The following TMEM17 variants were observed in gnomAD, a reference collection of about 807,000 sequenced individuals.
The protein encoded by TMEM17 is transmembrane protein 17.
Under a neutral mutation model 19.1 loss-of-function variants are expected in TMEM17, and 15 were observed. The observed-to-expected ratio is 0.78, with a 90% confidence interval of 0.52 to 1.21. TMEM17 has a LOEUF of 1.21. TMEM17 is among the 50% of genes most tolerant of loss of function. TMEM17 has a pLI of 0.00. For missense variants in TMEM17, 245 were observed against 242.3 expected, an observed-to-expected ratio of 1.01 and a Z score of -0.07; for synonymous variants, 103 against 86.9, an observed-to-expected ratio of 1.19 and a Z score of -1.03.
intron 1 of TMEM17, 139 bp downstream of exon 1, chr2:62,505,891 C>A: frequency 1.1e-6 from 1 of 875,988 alleles, no homozygotes; most frequent in Admixed American, 2.9e-5. Context: ...GGCCCCTCCT[C>A]CAAGGCGCTC....
At chr2:62,495,727 T>C (rs1679761311), downstream of TMEM17, among the ~76,000 whole-genome samples, 1 of 152,260 alleles carries the variant, frequency 6.6e-6, no homozygotes, top group Non-Finnish European at 1.5e-5. Flanking sequence ...AATTTACTTT[T>C]TGAGCCGTTT....
At position 62,501,284 on chromosome 2, in the gene TMEM17, G is replaced by A. The variant is rs1207267812; in HGVS notation, c.522C>T (p.His174=). 3 of 1,614,212 alleles carry A rather than the reference G, an allele frequency of 1.9e-6. No homozygotes were observed. Among genetic ancestry groups the A allele is most frequent in the Non-Finnish European group, 2.5e-6 (3 of 1,180,032 alleles). The part of the protein sequence containing the change: ...KMVNQLAVRF[H]LQDFDRLSAN... ...CAGAGAGCCGGTCAAAGTCTTGGAG[G>A]TGGAAACGAACTGCCAACTGATTAA... The change falls in exon 4 of 4, where the codon CAC becomes CAT. Residue 174 remains histidine, a synonymous_variant. Coordinates refer to ENST00000335390, the MANE Select transcript of TMEM17 (RefSeq NM_198276.3).
intron 1 of TMEM17, among the ~76,000 whole-genome samples, chr2:62,505,627 G>T (rs1286983679): frequency 3.9e-5 from 6 of 152,382 alleles, no homozygotes; most frequent in African/African-American, 1.4e-4. Flanking sequence ...GAAAAGCCGG[G>T]GCGGGCGCCG....
At chr2:62,496,945 C>T (rs1318545903), downstream of TMEM17, among the ~76,000 whole-genome samples, 1 of 152,096 alleles carries the variant, frequency 6.6e-6, no homozygotes, top group African/African-American at 2.4e-5. Context: ...CAGAGCAAGA[C>T]CCAGTCTCTA....
At chr2:62,460,234 C>T in the TMEM17 span, among the ~76,000 whole-genome samples, 6 of 152,328 alleles carry the variant, frequency 3.9e-5, no homozygotes, top group South Asian at 1.2e-3. Context: ...GTAGGAATGA[C>T]TGCTGCACAC....
the TMEM17 span, among the ~76,000 whole-genome samples, chr2:62,484,971 C>G: frequency 2.0e-5 from 3 of 152,184 alleles, no homozygotes; most frequent in Non-Finnish European, 4.4e-5. Flanking sequence ...CAGGGTTTCA[C>G]CTGTCACCCA....
At chr2:62,465,451 A>G in the TMEM17 span, among the ~76,000 whole-genome samples, 1 of 152,218 alleles carries the variant, frequency 6.6e-6, no homozygotes, top group Non-Finnish European at 1.5e-5. Context: ...CTGTAAGTCT[A>G]AAACTTCAAA....
At chr2:62,472,996 G>T in the TMEM17 span, among the ~76,000 whole-genome samples, 2 of 152,178 alleles carry the variant, frequency 1.3e-5, no homozygotes, top group Non-Finnish European at 1.5e-5. Flanking sequence ...GATTCTTCAG[G>T]AGGCCAGAAC....
the TMEM17 span, among the ~76,000 whole-genome samples, chr2:62,490,295 G>C: frequency 6.6e-6 from 1 of 151,990 alleles, no homozygotes; most frequent in East Asian, 1.9e-4. Flanking sequence ...GCAAGGTCTC[G>C]TTTTGTCACC....
the TMEM17 span, among the ~76,000 whole-genome samples, chr2:62,494,403 C>G: frequency 6.6e-6 from 1 of 151,892 alleles, no homozygotes; most frequent in South Asian, 2.1e-4. Context: ...ACTATTGAAG[C>G]AAAGTCCTAA....
At chr2:62,482,259 C>A in the TMEM17 span, among the ~76,000 whole-genome samples, 1 of 152,200 alleles carries the variant, frequency 6.6e-6, no homozygotes, top group African/African-American at 2.4e-5. Context: ...TATTACAAAG[C>A]CACCACATGT....
At position 62,500,977 on chromosome 2, in the gene TMEM17, C is replaced by CA. The variant is rs75662659; in HGVS notation, c.*231dup. 10 of 379,100 alleles carry CA rather than the reference C, an allele frequency of 2.6e-5. No individual in the cohort carries two copies. Among genetic ancestry groups the CA allele is most frequent in the Non-Finnish European group, 3.7e-5 (8 of 215,388 alleles). The allele number at this position is 379,100 out of a possible 1,614,324, so 23.5% of individuals were successfully genotyped here. A position where few individuals can be genotyped will look rare whatever the true frequency, so the allele number is the denominator to read the frequency against. ...ACACTCCTGAAAAAGACAACAACAT[C>CA]AAAAAAAATTAAGAAATTTGGCATC... On this transcript the variant is annotated 3_prime_UTR_variant, in exon 4 of 4. Transcript: ENST00000335390.
chr2:62,456,822 A>C, the TMEM17 span, among the ~76,000 whole-genome samples: 1 of 152,228 alleles, frequency 6.6e-6, no homozygotes, highest in Non-Finnish European at 1.5e-5. Flanking sequence ...TCCTTTCTAG[A>C]AACTATGATA....
At chr2:62,505,866 C>A (rs1025285185) in intron 1 of TMEM17, among the ~76,000 whole-genome samples, 164 bp downstream of exon 1, 3 of 152,240 alleles carry the variant, frequency 2.0e-5, no homozygotes, top group African/African-American at 7.2e-5. Context: ...AGCGCCTCAG[C>A]TCCCTGTCCG....
At chr2:62,475,933 T>C in the TMEM17 span, among the ~76,000 whole-genome samples, 3 of 152,254 alleles carry the variant, frequency 2.0e-5, no homozygotes, top group Admixed American at 2.0e-4. Context: ...AATGTAAGAA[T>C]GTGCAGGAAA....
Position 62,500,223 on chromosome 2 carries a change from T to C in TMEM17, c.*986A>G, listed in dbSNP as rs766497576. 1 of 152,256 alleles carries C rather than the reference T, an allele frequency of 6.6e-6. No homozygotes were observed. The highest frequency in any genetic ancestry group is 1.5e-5 in the Non-Finnish European group (1 of 68,048). 9.4% of individuals were successfully genotyped at this position (152,256 alleles called of 1,614,324 possible). Reference sequence around the variant, plus strand: ...ATTGCACAAGACAAGGATGATTTGCTGCTGATACCTTAAATATTTAATAAT... The same window carrying C: ...ATTGCACAAGACAAGGATGATTTGCCGCTGATACCTTAAATATTTAATAAT... On this transcript the variant is annotated 3_prime_UTR_variant, in exon 4 of 4. Coordinates refer to ENST00000335390, the MANE Select transcript of TMEM17 (RefSeq NM_198276.3).
the TMEM17 span, among the ~76,000 whole-genome samples, chr2:62,487,460 C>G: frequency 1.3e-5 from 2 of 152,198 alleles, no homozygotes; most frequent in African/African-American, 4.8e-5. Context: ...TGCATGTAAC[C>G]TATTCACAGT....
the TMEM17 span, among the ~76,000 whole-genome samples, chr2:62,486,974 G>A: frequency 6.6e-6 from 1 of 152,154 alleles, no homozygotes; most frequent in Non-Finnish European, 1.5e-5. Flanking sequence ...GCTGCTCAGT[G>A]TATTTCACTC....
At chr2:62,459,490 T>C in the TMEM17 span, among the ~76,000 whole-genome samples, 1 of 152,256 alleles carries the variant, frequency 6.6e-6, no homozygotes, top group Non-Finnish European at 1.5e-5. Context: ...ACTGATTTGA[T>C]AGAGCATCAG....
Sources: gnomAD v4.1 joint callset for allele counts (sites outside exome capture counted in the v4.1 genomes callset) on GRCh38, gnomAD v4.1.1 for gene constraint, MANE v1.5 for transcripts, NCBI Gene and HGNC (gene_info 2026-07-23, HGNC 2026-07-21) for gene names.